RIMS2: variants seen among roughly 807,000 people sequenced by gnomAD.
The protein encoded by RIMS2 is regulating synaptic membrane exocytosis protein 2.
RIMS2 carries 59 observed loss-of-function variants against 174.4 expected under a neutral mutation model. The observed-to-expected ratio is 0.34, with a 90% CI of 0.27 to 0.42. The LOEUF (loss-of-function observed/expected upper bound fraction) is 0.42. Among genes scored for constraint, RIMS2 ranks in the 10% least tolerant of loss-of-function variants. RIMS2 has a pLI of 1.00. For missense variants in RIMS2, 1,620 were observed against 1,666.3 expected (o/e 0.97, Z 0.48); for synonymous variants, 606 against 572.5 (o/e 1.06, Z -0.84).
intron 1 of RIMS2, among the ~76,000 whole-genome samples, chr8:103,529,272 T>C (rs968634566): frequency 1.4e-4 from 22 of 152,230 alleles, no homozygotes; most frequent in African/African-American, 4.8e-4. Context: ...AAGTTGCTTA[T>C]CAGCTTAAGG....
intron 3 of RIMS2, among the ~76,000 whole-genome samples, chr8:103,791,420 G>A (rs182263704): frequency 1.3e-5 from 2 of 152,238 alleles, no homozygotes; most frequent in African/African-American, 4.8e-5. Context: ...CCTGAAGGAA[G>A]CACTAAACAT....
At chr8:104,100,952 T>TATATGAC (rs759307956) in intron 19 of RIMS2, among the ~76,000 whole-genome samples, 2,301 of 128,536 alleles carry the variant, frequency 0.018, 130 homozygotes, top group East Asian at 0.16. Context: ...TTATATAGTA[T>TATATGAC]ATATGATATA....
Position 103,804,588 on chromosome 8 carries a change from C to T in RIMS2, c.698+38051C>T, listed in dbSNP as rs147847981. 6.2e-3 allele frequency among the ~76,000 whole-genome samples: 937 copies of T among 152,244 alleles called. 12 individuals carry two copies. Among genetic ancestry groups the T allele is most frequent in the African/African-American group, 0.021 (887 of 41,540 alleles). On this transcript the variant is annotated intron_variant, in intron 3 of 23. Transcript: ENST00000504942. Reference sequence around the variant, plus strand: ...CTCTGCTCCTCCTGGTAAGAAAATGCAGTAGATCCTTACTGACTCTTATTT... The same window carrying T: ...CTCTGCTCCTCCTGGTAAGAAAATGTAGTAGATCCTTACTGACTCTTATTT...
intron 19 of RIMS2, among the ~76,000 whole-genome samples, chr8:104,068,860 T>C (rs2073040067): frequency 6.6e-6 from 1 of 152,188 alleles, no homozygotes; most frequent in African/African-American, 2.4e-5. Context: ...CAGTTTTTCA[T>C]TTTGTAAAAT....
chr8:104,113,898 T>A (rs1292568806), intron 19 of RIMS2, among the ~76,000 whole-genome samples: 1 of 151,978 alleles, frequency 6.6e-6, no homozygotes, highest in African/African-American at 2.4e-5. Flanking sequence ...AATCCAGTTT[T>A]CAGTCTTTCT....
At chr8:103,508,484 T>C (rs943998827) in intron 1 of RIMS2, among the ~76,000 whole-genome samples, 2 of 148,434 alleles carry the variant, frequency 1.3e-5, no homozygotes, top group East Asian at 3.9e-4. Context: ...AAGAAGACGA[T>C]GCAGGACATG....
At chr8:103,861,147 G>A (rs2154499917) in intron 3 of RIMS2, among the ~76,000 whole-genome samples, 1 of 144,108 alleles carries the variant, frequency 6.9e-6, no homozygotes, top group African/African-American at 2.6e-5. Context: ...CCCATTTTTA[G>A]GGTCCCCAGT....
intron 19 of RIMS2, among the ~76,000 whole-genome samples, chr8:104,103,769 T>C (rs763182121): frequency 1.3e-5 from 2 of 152,172 alleles, no homozygotes; most frequent in Admixed American, 1.3e-4. Context: ...TGGCTACATA[T>C]TGAAGATTCT....
chr8:104,006,509 C>G (rs1057278234), intron 17 of RIMS2, among the ~76,000 whole-genome samples: 4 of 151,976 alleles, frequency 2.6e-5, no homozygotes, highest in Non-Finnish European at 5.9e-5. Flanking sequence ...GAGATGGTGC[C>G]ATTGTACTCC....
intron 1 of RIMS2, among the ~76,000 whole-genome samples, chr8:103,547,584 A>T (rs1264097057): frequency 6.6e-6 from 1 of 152,306 alleles, no homozygotes; most frequent in African/African-American, 2.4e-5. Context: ...ACAGCCTAAC[A>T]TCATAGCGAG....
intron 19 of RIMS2, among the ~76,000 whole-genome samples, chr8:104,036,792 G>A (rs1328537174): frequency 1.3e-5 from 2 of 151,930 alleles, no homozygotes; most frequent in African/African-American, 4.8e-5. Flanking sequence ...CAGGAGAATC[G>A]CTTGAACCCG....
At chr8:104,121,365 G>A (rs2098371553) in intron 19 of RIMS2, among the ~76,000 whole-genome samples, 1 of 152,100 alleles carries the variant, frequency 6.6e-6, no homozygotes, top group African/African-American at 2.4e-5. Context: ...GAAGTTCTGA[G>A]ACATGAATTT....
intron 3 of RIMS2, among the ~76,000 whole-genome samples, chr8:103,884,047 G>A (rs2099185581): frequency 6.6e-6 from 1 of 151,770 alleles, no homozygotes; most frequent in Non-Finnish European, 1.5e-5. Context: ...TTCCTACCTG[G>A]AAAACCTAGA....
Position 103,961,135 on chromosome 8 carries a change from T to G in RIMS2, c.2770+2T>G. The G allele has an allele frequency of 7.7e-7, 1 of 1,306,902 alleles. No individual in the cohort carries two copies. Among genetic ancestry groups the G allele is most frequent in the Non-Finnish European group, 1.1e-6 (1 of 901,468 alleles). The allele number at this position is 1,306,902 out of a possible 1,614,324, so 81.0% of individuals were successfully genotyped here. On this transcript the variant is annotated splice_donor_variant, in intron 15 of 23. Coordinates refer to ENST00000504942, the Ensembl canonical transcript of RIMS2. LOFTEE classifies it high-confidence loss of function. ...ATGATGGAATTGGTGTAGTATCAGGTAAGAATTTTAGAATTATTTTATAGT... is the reference window on the plus strand; with the variant it reads ...ATGATGGAATTGGTGTAGTATCAGGGAAGAATTTTAGAATTATTTTATAGT...
chr8:103,595,621 G>T (rs757026130), intron 1 of RIMS2, among the ~76,000 whole-genome samples: 3 of 151,900 alleles, frequency 2.0e-5, no homozygotes, highest in Non-Finnish European at 4.4e-5. Context: ...TTTGTGCTTA[G>T]ACATGGCAAA....
At position 103,945,982 on chromosome 8, in the gene RIMS2, A is replaced by G. The variant is rs527505038; in HGVS notation, c.2701+3056A>G. ...CAGTGCACTAGAGATTGTAGTTAGG[A>G]CAGTCAGGCAAGAAAAATACATAAA... On this transcript the variant is annotated intron_variant, in intron 14 of 23. Coordinates refer to ENST00000504942, the Ensembl canonical transcript of RIMS2. Among the ~76,000 whole-genome samples, 22 of 152,294 alleles carry G rather than the reference A, an allele frequency of 1.4e-4. 1 individual carries two copies. The highest frequency in any genetic ancestry group is 4.1e-4 in the African/African-American group (17 of 41,554).
intron 19 of RIMS2, among the ~76,000 whole-genome samples, chr8:104,087,484 GTGCTTC>G (rs1253622645): frequency 6.6e-6 from 1 of 152,044 alleles, no homozygotes; most frequent in Non-Finnish European, 1.5e-5. Context: ...ATTCGAAGCA[GTGCTTC>G]TCTTTGAAGG....
chr8:103,791,802 C>T (rs968536616), intron 3 of RIMS2, among the ~76,000 whole-genome samples: 1 of 151,990 alleles, frequency 6.6e-6, no homozygotes, highest in Non-Finnish European at 1.5e-5. Context: ...TTTAAACCAA[C>T]AAAGATCAAA....
chr8:103,635,452 T>G (rs1287586997), intron 1 of RIMS2, among the ~76,000 whole-genome samples: 1 of 151,988 alleles, frequency 6.6e-6, no homozygotes, highest in African/African-American at 2.4e-5. Context: ...GACATAACAC[T>G]CTGGCCACTT....
Sources: allele counts gnomAD v4.1 joint callset (sites outside exome capture counted in the v4.1 genomes callset), GRCh38; gene constraint gnomAD v4.1.1; transcripts MANE v1.5; gene names NCBI Gene and HGNC (gene_info 2026-07-23, HGNC 2026-07-21).